RASEF: variants seen among roughly 807,000 people sequenced by gnomAD.
RASEF encodes the protein ras and EF-hand domain-containing protein.
RASEF carries 68 observed loss-of-function variants against 90.1 expected under a neutral mutation model. That is an observed-to-expected ratio of 0.75 (90% CI 0.62 to 0.92). RASEF has a LOEUF of 0.92. Among genes scored for constraint, RASEF ranks in the 40% least tolerant of loss-of-function variants. The probability of loss-of-function intolerance (pLI) is 0.00; values close to 1 mark genes in which losing one functional copy is unlikely to be tolerated. For missense variants in RASEF, 949 were observed against 937.2 expected (o/e 1.01, Z -0.16); for synonymous variants, 331 against 345.2 (o/e 0.96, Z 0.46).
the RASEF span, among the ~76,000 whole-genome samples, chr9:83,186,544 A>G: frequency 6.6e-6 from 1 of 152,126 alleles, no homozygotes; most frequent in African/African-American, 2.4e-5. Flanking sequence ...TTGCACACAC[A>G]GCATGCTCAC....
At chr9:83,137,344 C>T in the RASEF span, among the ~76,000 whole-genome samples, 1 of 151,952 alleles carries the variant, frequency 6.6e-6, no homozygotes, top group Non-Finnish European at 1.5e-5. Flanking sequence ...TCACTGGGTG[C>T]AAAATGAATA....
chr9:83,112,805 G>A, the RASEF span, among the ~76,000 whole-genome samples: 9 of 151,910 alleles, frequency 5.9e-5, no homozygotes, highest in African/African-American at 2.2e-4. Flanking sequence ...CTCTATACTT[G>A]GGATGCTAAT....
At chr9:83,065,697 C>T (rs184284992), upstream of RASEF, among the ~76,000 whole-genome samples, 2 of 152,298 alleles carry the variant, frequency 1.3e-5, no homozygotes, top group Admixed American at 6.5e-5. Flanking sequence ...AGGCTCTTGT[C>T]CTAACATCCT....
chr9:82,995,396 A>G (rs1034162138), intron 14 of RASEF, among the ~76,000 whole-genome samples: 2 of 152,182 alleles, frequency 1.3e-5, no homozygotes, highest in South Asian at 2.1e-4. Flanking sequence ...AGGGATCTCC[A>G]TTTGTTCACT....
chr9:83,052,887 G>C (rs977131438), intron 1 of RASEF, among the ~76,000 whole-genome samples: 2 of 148,598 alleles, frequency 1.3e-5, no homozygotes, highest in Non-Finnish European at 2.9e-5. Context: ...GTTCTAGTTT[G>C]ATTGCACTGT....
At chr9:83,081,992 C>T in the RASEF span, among the ~76,000 whole-genome samples, 2 of 152,110 alleles carry the variant, frequency 1.3e-5, no homozygotes, top group African/African-American at 2.4e-5. Flanking sequence ...CCCAGGAGAG[C>T]CAACAAAAAT....
At chr9:83,153,681 C>T in the RASEF span, among the ~76,000 whole-genome samples, 1 of 152,218 alleles carries the variant, frequency 6.6e-6, no homozygotes, top group Non-Finnish European at 1.5e-5. Context: ...ACCTGTTGCA[C>T]AAGGCTGTTT....
the RASEF span, among the ~76,000 whole-genome samples, chr9:83,141,954 T>C: frequency 6.6e-6 from 1 of 152,196 alleles, no homozygotes; most frequent in South Asian, 2.1e-4. Flanking sequence ...CATGGGTACA[T>C]TTTATATGAC....
chr9:83,057,846 C>CATACAT (rs377175820), intron 1 of RASEF, among the ~76,000 whole-genome samples: 1 of 143,410 alleles, frequency 7.0e-6, no homozygotes. Context: ...TTCATATATA[C>CATACAT]ATATATATAT....
intron 1 of RASEF, among the ~76,000 whole-genome samples, chr9:83,031,680 T>TA (rs1252066905): frequency 3.3e-5 from 5 of 152,200 alleles, no homozygotes; most frequent in African/African-American, 9.7e-5. Flanking sequence ...ACAAGATTTT[T>TA]AAAAAATTAC....
chr9:83,089,434 T>C, the RASEF span, among the ~76,000 whole-genome samples: 7 of 152,158 alleles, frequency 4.6e-5, no homozygotes, highest in African/African-American at 1.7e-4. Flanking sequence ...AATTTCACCC[T>C]AAAAAGCCCT....
the RASEF span, among the ~76,000 whole-genome samples, chr9:83,133,978 T>C: frequency 6.6e-6 from 1 of 152,140 alleles, no homozygotes; most frequent in African/African-American, 2.4e-5. Context: ...AGATCACACT[T>C]ATCTACTTAT....
chr9:83,120,980 T>C, the RASEF span, among the ~76,000 whole-genome samples: 30 of 152,220 alleles, frequency 2.0e-4, no homozygotes, highest in African/African-American at 5.5e-4. Context: ...TAGAACAAAA[T>C]GGTCACAACC....
the RASEF span, among the ~76,000 whole-genome samples, chr9:83,091,348 G>C: frequency 6.6e-6 from 1 of 152,140 alleles, no homozygotes; most frequent in Non-Finnish European, 1.5e-5. Context: ...GAGATTAGGA[G>C]TTTGAGACCA....
At chr9:83,201,648 G>A in the RASEF span, among the ~76,000 whole-genome samples, 1 of 152,120 alleles carries the variant, frequency 6.6e-6, no homozygotes, top group African/African-American at 2.4e-5. Context: ...CTACAAATTA[G>A]TTACTTGCCT....
At chr9:83,038,637 G>GAA (rs58580827) in intron 1 of RASEF, among the ~76,000 whole-genome samples, 4,426 of 152,150 alleles carry the variant, frequency 0.029, 193 homozygotes, top group African/African-American at 0.1. Context: ...TAAGTGATAA[G>GAA]AATTTTTGCT....
At chr9:83,162,688 C>T in the RASEF span, among the ~76,000 whole-genome samples, 1 of 152,102 alleles carries the variant, frequency 6.6e-6, no homozygotes, top group Admixed American at 6.5e-5. Context: ...CACTGCTGCC[C>T]CAAAGACTGA....
chr9:83,150,259 T>C, the RASEF span, among the ~76,000 whole-genome samples: 3 of 152,140 alleles, frequency 2.0e-5, no homozygotes, highest in Non-Finnish European at 4.4e-5. Flanking sequence ...CTGAAACCCA[T>C]CATTTAGGGG....
chr9:83,000,052 C>A, intron 12 of RASEF, 117 bp downstream of exon 12: 8 of 782,334 alleles, frequency 1.0e-5, no homozygotes, highest in Non-Finnish European at 1.5e-5. Context: ...TATATGTGTG[C>A]ATACACAGAG....
Sources: gnomAD v4.1 joint callset for allele counts (sites outside exome capture counted in the v4.1 genomes callset) on GRCh38, gnomAD v4.1.1 for gene constraint, MANE v1.5 for transcripts, NCBI Gene and HGNC (gene_info 2026-07-23, HGNC 2026-07-21) for gene names.